KCNN3: variants seen among roughly 807,000 people sequenced by gnomAD.
The protein encoded by KCNN3 is potassium calcium-activated channel subfamily N member 3.
KCNN3 carries 16 observed loss-of-function variants against 62.9 expected under a neutral mutation model. The observed-to-expected ratio is 0.25, with a 90% CI of 0.17 to 0.39. KCNN3 has a LOEUF of 0.39. KCNN3 is among the 10% of genes least tolerant of loss of function. The pLI is 1.00. For synonymous variants in KCNN3, 370 were observed against 389.2 expected (o/e 0.95, Z 0.58); for missense variants, 599 against 949.4 (o/e 0.63, Z 4.85).
chr1:154,835,611 G>C (rs1001570791), intron 1 of KCNN3, among the ~76,000 whole-genome samples: 2 of 152,180 alleles, frequency 1.3e-5, no homozygotes, highest in African/African-American at 4.8e-5. Flanking sequence ...CATCAATTAT[G>C]GACAATCACG....
intron 3 of KCNN3, among the ~76,000 whole-genome samples, chr1:154,745,277 GA>G (rs1036906597): frequency 6.6e-6 from 1 of 152,226 alleles, no homozygotes; most frequent in African/African-American, 2.4e-5. Flanking sequence ...TAAAAGGAGA[GA>G]AAACCAGCAC....
intron 5 of KCNN3, among the ~76,000 whole-genome samples, chr1:154,724,480 G>A (rs1024634510): frequency 1.3e-5 from 2 of 152,148 alleles, no homozygotes; most frequent in African/African-American, 2.4e-5. Flanking sequence ...ATTCTGTCTC[G>A]TCTCAGAAAG....
At chr1:154,832,882 C>A (rs1651429984) in intron 1 of KCNN3, among the ~76,000 whole-genome samples, 1 of 152,212 alleles carries the variant, frequency 6.6e-6, no homozygotes, top group Non-Finnish European at 1.5e-5. Flanking sequence ...TTCCCAGATT[C>A]TCTGCAGGAG....
At chr1:154,761,467 C>CATAA (rs1037544836) in intron 3 of KCNN3, among the ~76,000 whole-genome samples, 1 of 152,012 alleles carries the variant, frequency 6.6e-6, no homozygotes, top group African/African-American at 2.4e-5. Flanking sequence ...GACTCTATCT[C>CATAA]ATAAATAAAT....
intron 1 of KCNN3, among the ~76,000 whole-genome samples, chr1:154,827,182 A>G (rs1420165684): frequency 6.6e-6 from 1 of 152,174 alleles, no homozygotes; most frequent in African/African-American, 2.4e-5. Flanking sequence ...TTTTCCTTCA[A>G]TTTCATGGAG....
chr1:154,733,250 G>A, intron 3 of KCNN3, 106 bp from the exon 4 acceptor site: 1 of 1,194,494 alleles, frequency 8.4e-7, no homozygotes, highest in Non-Finnish European at 1.2e-6. Context: ...TGCTGAGGAA[G>A]AGGCAGCAGT....
At chr1:154,867,727 C>CA (rs1441427171) in intron 1 of KCNN3, among the ~76,000 whole-genome samples, 1 of 149,774 alleles carries the variant, frequency 6.7e-6, no homozygotes, top group Non-Finnish European at 1.5e-5. Flanking sequence ...GCCACCCCCC[C>CA]ACCAAGCCAC....
At chr1:154,770,925 C>T (rs1018450287) in intron 3 of KCNN3, among the ~76,000 whole-genome samples, 5 of 152,024 alleles carry the variant, frequency 3.3e-5, no homozygotes, top group South Asian at 2.1e-4. Flanking sequence ...GGTATGGTGG[C>T]GCATGCCTGT....
rs765559229 is a variant in KCNN3, at chr1:154,732,984, G to C, written c.1590+19C>G. 36 of 1,613,774 alleles carry C rather than the reference G, an allele frequency of 2.2e-5. No homozygotes were observed. The highest frequency in any genetic ancestry group is 3.0e-5 in the Non-Finnish European group (35 of 1,179,824). On this transcript the variant is annotated intron_variant, in intron 4 of 7. Coordinates refer to ENST00000271915, the MANE Select transcript of KCNN3 (RefSeq NM_002249.6). ...TGCCACATTTTAAGGGTAGGGAATG[G>C]GGAGAGGCGGGTACTCACCATGATG...
chr1:154,794,911 T>C (rs570061315), intron 2 of KCNN3, among the ~76,000 whole-genome samples: 1 of 152,294 alleles, frequency 6.6e-6, no homozygotes, highest in South Asian at 2.1e-4. Flanking sequence ...TCGTTTTCAC[T>C]GACTTCCTAG....
chr1:154,839,022 C>T (rs560409904), intron 1 of KCNN3, among the ~76,000 whole-genome samples: 3 of 152,202 alleles, frequency 2.0e-5, no homozygotes, highest in African/African-American at 7.2e-5. Flanking sequence ...CTCTCCCTCC[C>T]TCCCCATGTT....
intron 1 of KCNN3, among the ~76,000 whole-genome samples, chr1:154,842,629 AC>A (rs745306692): frequency 0.02 from 827 of 41,998 alleles, 13 homozygotes; most frequent in African/African-American, 0.058. Context: ...TCATTCAGGG[AC>A]CCCCCCCCCG....
At chr1:154,843,909 G>A (rs948399150) in intron 1 of KCNN3, among the ~76,000 whole-genome samples, 1 of 152,138 alleles carries the variant, frequency 6.6e-6, no homozygotes, top group Non-Finnish European at 1.5e-5. Context: ...ATTTAATGAA[G>A]CCAGTTCTAC....
At chr1:154,737,900 G>T (rs1454350604) in intron 3 of KCNN3, among the ~76,000 whole-genome samples, 1 of 152,126 alleles carries the variant, frequency 6.6e-6, no homozygotes, top group African/African-American at 2.4e-5. Context: ...TCAGCCTGGG[G>T]ACAGAGCAAG....
rs1157558361 is a variant in KCNN3, at chr1:154,775,511, GTTCA to G, written c.1030-3122_1030-3119del. 1.2e-4 allele frequency among the ~76,000 whole-genome samples: 19 copies of G among 152,190 alleles called. No individual in the cohort carries two copies. In the East Asian group the frequency reaches 2.9e-3, roughly 23 times the overall value. ...TTTAATAAACTACAAAGGATCATTT[GTTCA>G]TTCATTCATTCATTCAACAAAAATG... On this transcript the variant is annotated intron_variant, in intron 2 of 7. Coordinates refer to ENST00000271915, the MANE Select transcript of KCNN3 (RefSeq NM_002249.6).
chr1:154,771,284 T>C (rs1648549550), intron 3 of KCNN3, among the ~76,000 whole-genome samples: 1 of 152,150 alleles, frequency 6.6e-6, no homozygotes, highest in Non-Finnish European at 1.5e-5. Context: ...TTCTTTCCCA[T>C]GAGTAGCTTC....
chr1:154,724,002 A>C (rs1451666230), intron 5 of KCNN3, among the ~76,000 whole-genome samples: 1 of 152,214 alleles, frequency 6.6e-6, no homozygotes, highest in African/African-American at 2.4e-5. Context: ...GATGTGACAA[A>C]TCATGGCTTT....
At chr1:154,798,591 A>G (rs972453149) in intron 2 of KCNN3, among the ~76,000 whole-genome samples, 3 of 152,226 alleles carry the variant, frequency 2.0e-5, no homozygotes, top group Non-Finnish European at 2.9e-5. Context: ...TGTTTACACT[A>G]ATGTAGTAAT....
chr1:154,786,183 G>A (rs1011624368), intron 2 of KCNN3, among the ~76,000 whole-genome samples: 5 of 152,128 alleles, frequency 3.3e-5, no homozygotes, highest in African/African-American at 4.8e-5. Flanking sequence ...CAGGCACAGC[G>A]CCCAGGGCCA....
Sources: allele counts gnomAD v4.1 joint callset (sites outside exome capture counted in the v4.1 genomes callset), GRCh38; gene constraint gnomAD v4.1.1; transcripts MANE v1.5; gene names NCBI Gene and HGNC (gene_info 2026-07-23, HGNC 2026-07-21).